NRXN3: variants seen among roughly 807,000 people sequenced by gnomAD.
The protein encoded by NRXN3 is neurexin 3.
A neutral mutation model predicts 137.6 loss-of-function variants in NRXN3; 32 were observed. The ratio of observed to expected loss-of-function variants is 0.23; its 90% confidence interval spans 0.18 to 0.31. The LOEUF (loss-of-function observed/expected upper bound fraction) is 0.31. Ranked by LOEUF, NRXN3 falls within the 10% of genes least tolerant of loss-of-function variation. NRXN3 has a pLI of 1.00. For missense variants in NRXN3, 1,574 were observed against 2,062.5 expected (o/e 0.76, Z 4.59); for synonymous variants, 798 against 784.5 (o/e 1.02, Z -0.29).
At chr14:79,353,287 A>G (rs568478949) in intron 15 of NRXN3, among the ~76,000 whole-genome samples, 2 of 151,562 alleles carry the variant, frequency 1.3e-5, no homozygotes, top group African/African-American at 4.9e-5. Flanking sequence ...TCCACAAATT[A>G]TATGTTTCTG....
chr14:79,353,006 G>T (rs897748384), intron 15 of NRXN3, among the ~76,000 whole-genome samples: 1 of 151,982 alleles, frequency 6.6e-6, no homozygotes, highest in African/African-American at 2.4e-5. Context: ...TACCTTAAAA[G>T]GATTGTTGTA....
intron 17 of NRXN3, among the ~76,000 whole-genome samples, chr14:79,675,733 GACAA>G (rs1193769558): frequency 3.9e-5 from 6 of 152,040 alleles, no homozygotes; most frequent in Admixed American, 1.3e-4. Context: ...AGTTAAAAAT[GACAA>G]ACAACAAAAT....
Position 79,255,590 on chromosome 14 carries a change from G to T in NRXN3, c.3263-211631G>T, listed in dbSNP as rs187263303. ...TAAATGAGATAATTTAAAGTAGAAT[G>T]TGAATCGTAATACCCAGAATGTTCT... On this transcript the variant is annotated intron_variant, in intron 15 of 20. Coordinates refer to ENST00000335750, the MANE Select transcript of NRXN3 (RefSeq NM_001330195.2). Among the ~76,000 whole-genome samples the T allele has an allele frequency of 6.6e-5, 10 of 152,330 alleles. No individual in the cohort carries two copies. In the East Asian group the frequency reaches 1.9e-3, roughly 29 times the overall value.
intron 4 of NRXN3, among the ~76,000 whole-genome samples, chr14:78,462,885 G>C (rs951614642): frequency 1.3e-5 from 2 of 152,164 alleles, no homozygotes; most frequent in African/African-American, 4.8e-5. Context: ...GGGTACAAGT[G>C]CAGTTTTGTT....
chr14:79,173,603 G>A (rs1300512995), intron 15 of NRXN3, among the ~76,000 whole-genome samples: 1 of 151,212 alleles, frequency 6.6e-6, no homozygotes, highest in African/African-American at 2.4e-5. Flanking sequence ...TTATATATTT[G>A]GAAATGTAAT....
At chr14:78,552,548 C>T (rs2096702776) in intron 4 of NRXN3, among the ~76,000 whole-genome samples, 2 of 152,046 alleles carry the variant, frequency 1.3e-5, no homozygotes, top group Admixed American at 6.6e-5. Flanking sequence ...CGCCTGTAGC[C>T]CCAGCTACTC....
chr14:79,760,254 G>A (rs1377872112), intron 19 of NRXN3, among the ~76,000 whole-genome samples: 1 of 151,554 alleles, frequency 6.6e-6, no homozygotes, highest in Non-Finnish European at 1.5e-5. Context: ...CCCAGTGATA[G>A]TTAGAAAGTC....
intron 4 of NRXN3, among the ~76,000 whole-genome samples, chr14:78,387,327 G>C (rs1002926090): frequency 6.6e-6 from 1 of 152,060 alleles, no homozygotes; most frequent in Non-Finnish European, 1.5e-5. Context: ...GTTATGCTGG[G>C]AACCAGGTTA....
chr14:78,289,124 A>G (rs749440574), intron 3 of NRXN3, among the ~76,000 whole-genome samples: 58 of 152,348 alleles, frequency 3.8e-4, no homozygotes, highest in East Asian at 9.6e-4. Context: ...AATCATCATC[A>G]TCATCAGTCC....
chr14:79,227,809 C>CCTTG (rs2071319436), intron 15 of NRXN3, among the ~76,000 whole-genome samples: 1 of 117,684 alleles, frequency 8.5e-6, no homozygotes, highest in Admixed American at 8.4e-5. Context: ...TCCCTTCCTC[C>CCTTG]CTCCCTTCCT....
intron 15 of NRXN3, among the ~76,000 whole-genome samples, chr14:79,118,186 T>A (rs1003844745): frequency 2.6e-5 from 4 of 152,158 alleles, no homozygotes; most frequent in African/African-American, 9.7e-5. Flanking sequence ...TGACTCTTTT[T>A]ATCAACAAAA....
chr14:79,460,045 T>C (rs1234752166), intron 15 of NRXN3, among the ~76,000 whole-genome samples: 1 of 152,156 alleles, frequency 6.6e-6, no homozygotes, highest in East Asian at 1.9e-4. Flanking sequence ...TTTCTGAAAA[T>C]GTCATTACCC....
chr14:79,761,633 C>T (rs1200232155), intron 19 of NRXN3, among the ~76,000 whole-genome samples: 1 of 140,524 alleles, frequency 7.1e-6, no homozygotes, highest in East Asian at 2.0e-4. Flanking sequence ...GCGGAGCTTG[C>T]CAAGATGGCA....
intron 16 of NRXN3, among the ~76,000 whole-genome samples, chr14:79,594,135 C>A (rs60115863): frequency 0.019 from 2,898 of 152,194 alleles, 106 homozygotes; most frequent in African/African-American, 0.067. Context: ...AGGTTGTATT[C>A]GTACCAGTTT....
chr14:79,289,020 G>A (rs542323503), intron 15 of NRXN3, among the ~76,000 whole-genome samples: 35 of 152,246 alleles, frequency 2.3e-4, no homozygotes, highest in African/African-American at 8.2e-4. Flanking sequence ...AGGAAGTTAT[G>A]CACCCTTCAA....
At chr14:79,420,556 G>T (rs1233817741) in intron 15 of NRXN3, among the ~76,000 whole-genome samples, 1 of 152,130 alleles carries the variant, frequency 6.6e-6, no homozygotes, top group East Asian at 1.9e-4. Flanking sequence ...CACCATGGTT[G>T]CTAGTAAGGG....
chr14:78,344,425 C>T (rs2082478467), intron 4 of NRXN3, among the ~76,000 whole-genome samples: 1 of 152,184 alleles, frequency 6.6e-6, no homozygotes, highest in Non-Finnish European at 1.5e-5. Flanking sequence ...GTAGTCAAAG[C>T]CAGAGAAAGA....
At chr14:78,746,424 A>G (rs1426531587) in intron 8 of NRXN3, among the ~76,000 whole-genome samples, 1 of 152,090 alleles carries the variant, frequency 6.6e-6, no homozygotes, top group Non-Finnish European at 1.5e-5. Flanking sequence ...GTTGACCTTT[A>G]GTGGGATAAG....
intron 9 of NRXN3, 24 bp downstream of exon 9, chr14:78,803,847 C>T (rs754477563): frequency 3.1e-5 from 50 of 1,595,708 alleles, no homozygotes; most frequent in African/African-American, 4.0e-5. Flanking sequence ...TACCCTCTGC[C>T]ACTTCGTTTG....
Sources: allele counts gnomAD v4.1 joint callset (sites outside exome capture counted in the v4.1 genomes callset), GRCh38; gene constraint gnomAD v4.1.1; transcripts MANE v1.5; gene names NCBI Gene and HGNC (gene_info 2026-07-23, HGNC 2026-07-21).